ZNF517: variants seen among roughly 807,000 people sequenced by gnomAD.
The protein encoded by ZNF517 is zinc finger protein 517.
In ZNF517, 12 loss-of-function variants were observed where a neutral mutation model predicts 12.1. The observed-to-expected ratio is 0.99, with a 90% CI of 0.63 to 1.61. The LOEUF (loss-of-function observed/expected upper bound fraction) is 1.61, where lower values mean the gene tolerates loss of function less well. ZNF517 is among the 40% of genes most tolerant of loss of function. ZNF517 has a pLI of 0.00. For missense variants in ZNF517, 781 were observed against 693.2 expected (o/e 1.13, Z -1.42); for synonymous variants, 388 against 310.2 (o/e 1.25, Z -2.63).
rs549426162 is a variant in ZNF517 at position 144,810,046 on chromosome 8, C to A, written c.*1651C>A. On this transcript the variant is annotated 3_prime_UTR_variant, in exon 5 of 5. Transcript: ENST00000359971. ...CCAGCCTGGGTGACAGGGCAAGACT[C>A]TGTCTCAAACAAATAAAAATCCCCT... 14 of 504,536 alleles carry A rather than the reference C, an allele frequency of 2.8e-5. No homozygotes were observed. In the South Asian group the frequency reaches 4.1e-4, roughly 15 times the overall value. 31.3% of individuals were successfully genotyped at this position (504,536 alleles called of 1,614,324 possible). A position where few individuals can be genotyped will look rare whatever the true frequency, so the allele number is the denominator to read the frequency against.
In ZNF517 at chr8:144,808,250, TCCA is replaced by T. The variant is rs1328878914; in HGVS notation, c.1336_1338del (p.His446del). On this transcript the variant is annotated inframe_deletion, in exon 5 of 5. Transcript: ENST00000359971. ...TACACGCTGAACGAGCACTACCGGC[TCCA>T]CAGCGGCGAGAGGCCATACCGGTGC... is the stretch of plus-strand genomic sequence containing the variant. 1.3e-6 allele frequency: 2 copies of T among 1,596,448 alleles called. No homozygotes were observed. The highest frequency in any genetic ancestry group is 1.7e-6 in the Non-Finnish European group (2 of 1,170,854).
intron 1 of ZNF517, among the ~76,000 whole-genome samples, chr8:144,799,559 AG>A (rs1264825130): frequency 3.3e-5 from 5 of 152,350 alleles, no homozygotes; most frequent in African/African-American, 1.2e-4. Flanking sequence ...GGTTTTGACA[AG>A]GGCCTCGCAC....
At chr8:144,802,184 CACAACATGGTTTT>C (rs1427329243) in intron 1 of ZNF517, among the ~76,000 whole-genome samples, 6 of 152,140 alleles carry the variant, frequency 3.9e-5, no homozygotes, top group African/African-American at 1.2e-4. Context: ...CTGATGTTCC[CACAACATGGTTTT>C]ATTGGTTGCA....
At chr8:144,803,163 C>T in intron 2 of ZNF517, 1 of 605,562 alleles carries the variant, frequency 1.7e-6, no homozygotes, top group Non-Finnish European at 2.8e-6. Flanking sequence ...CTTCCTGCGG[C>T]CTCCTCTGGC....
rs1262505198 is a variant in ZNF517 at position 144,810,044 on chromosome 8, C to T, written c.*1649C>T. The T allele has an allele frequency of 2.0e-6, 1 of 502,796 alleles. No individual in the cohort carries two copies. Among genetic ancestry groups the T allele is most frequent in the Non-Finnish European group, 3.7e-6 (1 of 273,564 alleles). 31.1% of individuals were successfully genotyped at this position (502,796 alleles called of 1,614,324 possible). ...CTCCAGCCTGGGTGACAGGGCAAGACTCTGTCTCAAACAAATAAAAATCCC... is the reference window on the plus strand; with the variant it reads ...CTCCAGCCTGGGTGACAGGGCAAGATTCTGTCTCAAACAAATAAAAATCCC... On this transcript the variant is annotated 3_prime_UTR_variant, in exon 5 of 5. Coordinates refer to ENST00000359971, the MANE Select transcript of ZNF517 (RefSeq NM_213605.3).
chr8:144,811,497 C>T (rs1304850756), downstream of ZNF517, among the ~76,000 whole-genome samples: 1 of 88,346 alleles, frequency 1.1e-5, no homozygotes, highest in East Asian at 3.7e-4. Flanking sequence ...AGACTGCAGC[C>T]TGGAAGCAAA....
At chr8:144,806,975 A>G (rs988301365) in intron 4 of ZNF517, among the ~76,000 whole-genome samples, 6 of 151,858 alleles carry the variant, frequency 4.0e-5, no homozygotes, top group Non-Finnish European at 8.8e-5. Flanking sequence ...CTGGAGTGCA[A>G]TGGCTCGATC....
At position 144,807,363 on chromosome 8, in the gene ZNF517, C is replaced by T; in HGVS notation, c.447C>T (p.Thr149=). Reference sequence around the variant, plus strand: ...CTGAGGACGGGTCAGATAAACCCACCCACCCCCGGGCTCGGGAGCACAGCG... The same window carrying T: ...CTGAGGACGGGTCAGATAAACCCACTCACCCCCGGGCTCGGGAGCACAGCG... ...GGPEDGSDKP[T]HPRAREHSAS... is the part of the protein sequence containing the mutation. Residue 149 remains threonine (T), a synonymous_variant, in exon 5 of 5, where the codon ACC becomes ACT. Transcript: ENST00000359971. 1.3e-6 allele frequency: 2 copies of T among 1,554,740 alleles called. No individual in the cohort carries two copies. Among genetic ancestry groups the T allele is most frequent in the Non-Finnish European group, 1.7e-6 (2 of 1,148,902 alleles).
At chr8:144,803,415 C>G (rs746916306) in intron 2 of ZNF517, 1 of 566,394 alleles carries the variant, frequency 1.8e-6, no homozygotes, top group Non-Finnish European at 3.0e-6. Flanking sequence ...TGGTAAATCT[C>G]TCTCCCTCCC....
At chr8:144,800,760 A>G in intron 1 of ZNF517, 1 of 926,688 alleles carries the variant, frequency 1.1e-6, no homozygotes. Context: ...TTCGTACCCT[A>G]ACATGTCAAA....
At chr8:144,805,703 C>T (rs1400125977) in intron 4 of ZNF517, among the ~76,000 whole-genome samples, 2 of 151,376 alleles carry the variant, frequency 1.3e-5, no homozygotes, top group Non-Finnish European at 2.9e-5. Context: ...GCAAGCTCCA[C>T]CTCCCGGGTT....
Position 144,807,638 on chromosome 8 carries a change from C to G in ZNF517, c.722C>G (p.Ala241Gly), listed in dbSNP as rs145328614. 1,294 of 1,610,222 alleles carry G rather than the reference C, an allele frequency of 8.0e-4. 25 individuals are homozygous for G. In the Middle Eastern group the frequency reaches 8.6e-3, roughly 11 times the overall value. Reference sequence around the variant, plus strand: ...TTCCAGTGCGGCGAGTGCGGGAAGGCCTTCCGGCAGAGCACGCAGCTGGCT... The same window carrying G: ...TTCCAGTGCGGCGAGTGCGGGAAGGGCTTCCGGCAGAGCACGCAGCTGGCT... ...KPFQCGECGKAFRQSTQLAAH... is the reference protein window; with the variant it reads ...KPFQCGECGKGFRQSTQLAAH... The change falls in exon 5 of 5, where the codon GCC becomes GGC. Residue 241 changes from alanine to glycine, a missense_variant. Coordinates refer to ENST00000359971, the MANE Select transcript of ZNF517 (RefSeq NM_213605.3).
rs568338039 is a variant in ZNF517 at position 144,807,953 on chromosome 8, A to T, written c.1037A>T (p.Asp346Val). ...CTGCACGCGCAGGAGGGTGCCCAGG[A>T]CGGCGGCGTGGGGCAGGGCGCCCTG... ...HRLHAQEGAQ[D>V]GGVGQGALLG... The change falls in exon 5 of 5, where the codon GAC becomes GTC. Residue 346 changes from aspartate to valine, a missense_variant. By Grantham distance (152) the Asp-to-Val change is radical (BLOSUM62 -3). Transcript: ENST00000359971. The T allele has an allele frequency of 6.5e-5, 98 of 1,505,002 alleles. No individual in the cohort carries two copies. The highest frequency in any genetic ancestry group is 1.9e-4 in the Admixed American group (8 of 42,460). 93.2% of individuals were successfully genotyped at this position (1,505,002 alleles called of 1,614,324 possible).
chr8:144,804,123 A>G lies in ZNF517; in HGVS notation c.161-2A>G, dbSNP rs1470359598. 6.2e-7 allele frequency: 1 copy of G among 1,613,838 alleles called. No homozygotes were observed. Among genetic ancestry groups the G allele is most frequent in the African/African-American group, 1.3e-5 (1 of 75,058 alleles). On this transcript the variant is annotated splice_acceptor_variant, in intron 3 of 4. Transcript: ENST00000359971. LOFTEE classifies it high-confidence loss of function. ...CGTGCTGCTTTCCTTCTCTGAGCTTAGGCTTTCTTGTTGCCAAACCAGCAC... is the reference window on the plus strand; with the variant it reads ...CGTGCTGCTTTCCTTCTCTGAGCTTGGGCTTTCTTGTTGCCAAACCAGCAC...
At position 144,808,288 on chromosome 8, in the gene ZNF517, G is replaced by A. The variant is rs373001972; in HGVS notation, c.1372G>A (p.Gly458Arg). The change falls in exon 5 of 5, where the codon GGG becomes AGG. Residue 458 changes from glycine (G) to arginine (R), a missense_variant. Physicochemically the swap from Gly to Arg is moderately radical, Grantham distance 125. Transcript: ENST00000359971. Reference sequence around the variant, plus strand: ...GAGGCCATACCGGTGCCGCGCCTGCGGGAGGGCCTGCAGCCGGCTGTCCAC... The same window carrying A: ...GAGGCCATACCGGTGCCGCGCCTGCAGGAGGGCCTGCAGCCGGCTGTCCAC... The part of the protein sequence containing the change: ...GERPYRCRAC[G>R]RACSRLSTLI... 5.1e-6 allele frequency: 8 copies of A among 1,554,884 alleles called. No homozygotes were observed. The highest frequency in any genetic ancestry group is 3.8e-5 in the Admixed American group (2 of 52,986).
intron 1 of ZNF517, among the ~76,000 whole-genome samples, chr8:144,799,567 G>A (rs2958522): frequency 0.11 from 17,407 of 152,204 alleles, 1,303 homozygotes; most frequent in East Asian, 0.39. Context: ...CAAGGGCCTC[G>A]CACAGAATAA....
intron 1 of ZNF517, among the ~76,000 whole-genome samples, chr8:144,801,026 ACCATGTTGG>A (rs1461175871): frequency 2.0e-5 from 3 of 152,048 alleles, no homozygotes; most frequent in Non-Finnish European, 1.5e-5. Flanking sequence ...GAAGGGTTTC[ACCATGTTGG>A]CCAGGCTGGT....
At chr8:144,806,229 G>A (rs1019569339) in intron 4 of ZNF517, among the ~76,000 whole-genome samples, 3 of 152,274 alleles carry the variant, frequency 2.0e-5, no homozygotes, top group South Asian at 2.1e-4. Flanking sequence ...AGAGGTCTGC[G>A]CAGGCACCTG....
At chr8:144,800,775 C>T in intron 1 of ZNF517, 1 of 827,328 alleles carries the variant, frequency 1.2e-6, no homozygotes, top group Non-Finnish European at 1.5e-6. Flanking sequence ...GTCAAAAGGG[C>T]TCTGCTGCCA....
Sources: gnomAD v4.1 joint callset for allele counts (sites outside exome capture counted in the v4.1 genomes callset) on GRCh38, gnomAD v4.1.1 for gene constraint, MANE v1.5 for transcripts, NCBI Gene and HGNC (gene_info 2026-07-23, HGNC 2026-07-21) for gene names.